The following PLPPR3 variants were observed in gnomAD, a reference collection of about 807,000 sequenced individuals.
PLPPR3 encodes the protein phospholipid phosphatase related 3.
A neutral mutation model predicts 27.3 loss-of-function variants in PLPPR3; 14 were observed. The ratio of observed to expected loss-of-function variants is 0.51; its 90% CI spans 0.34 to 0.80. The LOEUF (loss-of-function observed/expected upper bound fraction) is 0.80. PLPPR3 is among the 30% of genes least tolerant of loss of function. PLPPR3 has a pLI of 0.01. For missense variants in PLPPR3, 1,287 were observed against 1,056.9 expected (o/e 1.22, Z -3.02); for synonymous variants, 671 against 508.0 (o/e 1.32, Z -4.32).
At chr19:818,104 C>T (rs1024992564) in intron 2 of PLPPR3, among the ~76,000 whole-genome samples, 7 of 152,050 alleles carry the variant, frequency 4.6e-5, no homozygotes, top group African/African-American at 1.2e-4. Context: ...AACCATGGGC[C>T]GGGTGCGGTG....
rs2034998088 is a variant in PLPPR3, at chr19:813,821, C to A, written c.906G>T (p.Ala302=). 2 of 1,501,186 alleles carry A rather than the reference C, an allele frequency of 1.3e-6. No homozygotes were observed. The highest frequency in any genetic ancestry group is 8.8e-7 in the Non-Finnish European group (1 of 1,132,454). 93.0% of individuals were successfully genotyped at this position (1,501,186 alleles called of 1,614,324 possible). The change falls in exon 8 of 8, where the codon GCG becomes GCT. Residue 302 remains alanine, a synonymous_variant. Coordinates refer to ENST00000520876, the MANE Select transcript of PLPPR3 (RefSeq NM_001270366.2). This position sits in a 1 kb window ranked among gnomAD's most constrained non-coding sequence, Gnocchi z 4.1. ...KPAAPAPAKD[A]LRALTQRGHD... is the part of the protein sequence containing the mutation. ...GGCCCCGCTGCGTCAGGGCCCGCAGCGCGTCCTTGGCGGGGGCCGGGGCCG... is the reference window on the plus strand; with the variant it reads ...GGCCCCGCTGCGTCAGGGCCCGCAGAGCGTCCTTGGCGGGGGCCGGGGCCG...
Position 813,029 on chromosome 19 carries a change from G to T in PLPPR3, c.1698C>A (p.Ser566=). 6.6e-7 allele frequency: 1 copy of T among 1,519,782 alleles called. No individual in the cohort carries two copies. The allele number at this position is 1,519,782 out of a possible 1,614,324, so 94.1% of individuals were successfully genotyped here. The change falls in exon 8 of 8, where the codon TCC becomes TCA. Residue 566 remains serine (S), a synonymous_variant. Transcript: ENST00000520876. The surrounding 1 kb of genome is among the most constrained non-coding windows in gnomAD (Gnocchi z 4.1). ...TASSSSASSD[S]SQYRSPSDRD... is the part of the protein sequence containing the mutation. ...GGTCCGACGGCGACCGGTACTGCGA[G>T]GAGTCGGAGCTGGCGCTGGACGACG...
rs2035026256 is a variant in PLPPR3, at chr19:814,966, C to T, written c.519G>A (p.Leu173=). The change falls in exon 5 of 8, where the codon CTG becomes CTA. Residue 173 remains leucine (L), a synonymous_variant. Transcript: ENST00000520876. ...LTVCKPNYTL[L]GTSCEVNPYI... is the part of the protein sequence containing the mutation. ...AGGGGTTGACCTCGCAGGACGTGCC[C>T]AGGAGAGTGTAGTTGGGCTTGCAGA... 1 of 1,612,578 alleles carries T rather than the reference C, an allele frequency of 6.2e-7. No individual in the cohort carries two copies. Among genetic ancestry groups the T allele is most frequent in the South Asian group, 1.1e-5 (1 of 91,078 alleles).
chr19:822,620 G>A (rs1205905734), upstream of PLPPR3, among the ~76,000 whole-genome samples: 1 of 152,152 alleles, frequency 6.6e-6, no homozygotes, highest in Admixed American at 6.5e-5. Flanking sequence ...GCGCGGGGCT[G>A]GGGGCTGGGG....
chr19:815,158 C>G (rs368602434), intron 4 of PLPPR3, 28 bp downstream of exon 4: 10 of 1,601,972 alleles, frequency 6.2e-6, no homozygotes, highest in Non-Finnish European at 7.6e-6. Context: ...GGAGGTAGCT[C>G]AGGGTCGGGG....
At position 812,625 on chromosome 19, in the gene PLPPR3, T is replaced by G. The variant is rs764307296; in HGVS notation, c.2102A>C (p.Glu701Ala). Residue 701 changes from glutamate to alanine, a missense_variant, in exon 8 of 8, where the codon GAG (glutamate) becomes GCG (alanine). By Grantham distance (107) the Glu-to-Ala change is moderately radical. Coordinates refer to ENST00000520876, the MANE Select transcript of PLPPR3 (RefSeq NM_001270366.2). ...GCGGAAGTAGCCCTCGGCCTCCGCC[T>G]CCGCCTCGCGCTCCGCCAGCCCCAG... ...GGLGLAEREA[E>A]AEAEGYFRKM... 30 of 1,101,216 alleles carry G rather than the reference T, an allele frequency of 2.7e-5. No individual in the cohort carries two copies. In the South Asian group the frequency reaches 5.8e-4, roughly 21 times the overall value. 68.2% of individuals were successfully genotyped at this position (1,101,216 alleles called of 1,614,324 possible).
Position 815,650 on chromosome 19 carries a change from C to T in PLPPR3, c.261+16G>A, listed in dbSNP as rs377061824. The T allele has an allele frequency of 1.9e-4, 292 of 1,561,884 alleles. No homozygotes were observed. In the African/African-American group the frequency reaches 3.1e-3, roughly 17 times the overall value. ...GGTGCCCACAGGCTGGCACAGGCCC[C>T]GGTGCAGGTGCTCACCGAGGCGGCA... On this transcript the variant is annotated intron_variant, in intron 3 of 7. Coordinates refer to ENST00000520876, the MANE Select transcript of PLPPR3 (RefSeq NM_001270366.2).
At chr19:820,097 C>A (rs1272212642) in intron 2 of PLPPR3, among the ~76,000 whole-genome samples, 1 of 152,150 alleles carries the variant, frequency 6.6e-6, no homozygotes, top group Non-Finnish European at 1.5e-5. Flanking sequence ...ATCCATCTAC[C>A]TGGGCCTCCC....
Position 814,890 on chromosome 19 carries a change from C to T in PLPPR3, c.595G>A (p.Ala199Thr). The T allele has an allele frequency of 1.2e-6, 2 of 1,609,486 alleles. No homozygotes were observed. The highest frequency in any genetic ancestry group is 1.7e-6 in the Non-Finnish European group (2 of 1,179,698). The part of the protein sequence containing the change: ...SGHDIHAILS[A>T]RKTFPSQHAT... ...GGAGTTGGGGGTCCGGCTCACCGTG[C>T]AGACAGGATGGCGTGGATGTCGTGG... is the stretch of plus-strand genomic sequence containing the variant. The change falls in exon 5 of 8, where the codon GCA becomes ACA. Residue 199 changes from alanine to threonine, a missense_variant. Coordinates refer to ENST00000520876, the MANE Select transcript of PLPPR3 (RefSeq NM_001270366.2).
Position 815,096 on chromosome 19 carries a change from G to C in PLPPR3, c.404-15C>G. ...CACGTGGACACCTGCAGGGCGGAAG[G>C]CTCGGCCAGGCGGGGAGCTGGGGAC... On this transcript the variant is annotated splice_polypyrimidine_tract_variant and intron_variant, in intron 4 of 7. Coordinates refer to ENST00000520876, the MANE Select transcript of PLPPR3 (RefSeq NM_001270366.2). The C allele has an allele frequency of 8.1e-6, 13 of 1,601,940 alleles. No individual in the cohort carries two copies. Among genetic ancestry groups the C allele is most frequent in the Non-Finnish European group, 1.0e-5 (12 of 1,179,436 alleles).
At chr19:821,855 A>C in intron 1 of PLPPR3, 60 bp downstream of exon 1, 15 of 264,156 alleles carry the variant, frequency 5.7e-5, no homozygotes, top group East Asian at 1.4e-4. Flanking sequence ...ATCCGGGAGA[A>C]CTGGGGTTCC....
At position 812,599 on chromosome 19, in the gene PLPPR3, T is replaced by C; in HGVS notation, c.2128A>G (p.Lys710Glu). The C allele has an allele frequency of 9.0e-7, 1 of 1,110,134 alleles. No homozygotes were observed. The highest frequency in any genetic ancestry group is 1.1e-6 in the Non-Finnish European group (1 of 900,398). 68.8% of individuals were successfully genotyped at this position (1,110,134 alleles called of 1,614,324 possible). ...TCGGGGAAGCGGCGCGCCTGCATCT[T>C]GCGGAAGTAGCCCTCGGCCTCCGCC... Reference protein sequence around the residue: ...AEAEAEGYFRKMQARRFPD With the variant: ...AEAEAEGYFREMQARRFPD Residue 710 changes from lysine to glutamate, a missense_variant, in exon 8 of 8, where the codon AAG becomes GAG. Coordinates refer to ENST00000520876, the MANE Select transcript of PLPPR3 (RefSeq NM_001270366.2).
intron 2 of PLPPR3, among the ~76,000 whole-genome samples, chr19:818,422 C>T (rs1026733699): frequency 2.6e-5 from 4 of 151,802 alleles, no homozygotes; most frequent in Non-Finnish European, 4.4e-5. Flanking sequence ...ATAATAAGGC[C>T]GACCGCAGTG....
chr19:814,479 G>A lies in PLPPR3; in HGVS notation c.786C>T (p.Asp262=), dbSNP rs761831519. Residue 262 remains aspartate, a synonymous_variant, in exon 7 of 8, where the codon GAC becomes GAT. Coordinates refer to ENST00000520876, the MANE Select transcript of PLPPR3 (RefSeq NM_001270366.2). ...CCCCGATGAGGAAGCCGGCATACAC[G>A]TCCACAGGGTGGCTGCGGTACTGCG... ...QITQYRSHPV[D]VYAGFLIGAG... is the part of the protein sequence containing the mutation. The A allele has an allele frequency of 4.0e-5, 64 of 1,609,394 alleles. No homozygotes were observed. The highest frequency in any genetic ancestry group is 3.8e-4 in the South Asian group (35 of 91,058).
chr19:818,338 G>A (rs2145078597), intron 2 of PLPPR3, among the ~76,000 whole-genome samples: 1 of 152,062 alleles, frequency 6.6e-6, no homozygotes, highest in East Asian at 1.9e-4. Context: ...AGCTGACATT[G>A]TTCCACTGCA....
At chr19:815,401 G>A (rs937653547) in intron 3 of PLPPR3, 74 bp from the exon 4 acceptor site, 4 of 1,438,678 alleles carry the variant, frequency 2.8e-6, no homozygotes, top group Non-Finnish European at 3.6e-6. Flanking sequence ...CCCATCTGCA[G>A]TGCCCACAGG....
rs748356279 is a variant in PLPPR3, at chr19:814,557, G to A, written c.708C>T (p.Ile236=). Residue 236 remains isoleucine, a synonymous_variant, in exon 7 of 8, where the codon ATC becomes ATT. Coordinates refer to ENST00000520876, the MANE Select transcript of PLPPR3 (RefSeq NM_001270366.2). Reference sequence around the variant, plus strand: ...CGGCGATGGCAAAGGCGAAGACCAGGATGGGCTTCAGCAGCTTGGTGGTGT... The same window carrying A: ...CGGCGATGGCAAAGGCGAAGACCAGAATGGGCTTCAGCAGCTTGGTGGTGT... ...ISDTTKLLKP[I]LVFAFAIAAG... 1.2e-6 allele frequency: 2 copies of A among 1,612,284 alleles called. No homozygotes were observed. Among genetic ancestry groups the A allele is most frequent in the Admixed American group, 1.7e-5 (1 of 60,022 alleles).
chr19:812,575 C>G lies in PLPPR3; in HGVS notation c.2152G>C (p.Asp718His), dbSNP rs1411754555. 12 of 747,472 alleles carry G rather than the reference C, an allele frequency of 1.6e-5. No individual in the cohort carries two copies. The highest frequency in any genetic ancestry group is 6.5e-4 in the Middle Eastern group (1 of 1,548). 46.3% of individuals were successfully genotyped at this position (747,472 alleles called of 1,614,324 possible). A position where few individuals can be genotyped will look rare whatever the true frequency, so the allele number is the denominator to read the frequency against. Residue 718 changes from aspartate (D) to histidine (H), a missense_variant, in exon 8 of 8, where the codon GAC becomes CAC. Asp to His is a moderately conservative substitution (Grantham distance 81). Coordinates refer to ENST00000520876, the MANE Select transcript of PLPPR3 (RefSeq NM_001270366.2). ...FRKMQARRFP[D>H] ...CCGCCCCCGGCCCCGCCGCGCTAGT[C>G]GGGGAAGCGGCGCGCCTGCATCTTG... is the stretch of plus-strand genomic sequence containing the variant.
chr19:821,473 A>AC lies in PLPPR3; in HGVS notation c.75+11dup. 7.3e-7 allele frequency: 1 copy of AC among 1,375,776 alleles called. No homozygotes were observed. The highest frequency in any genetic ancestry group is 9.6e-7 in the Non-Finnish European group (1 of 1,040,314). 85.2% of individuals were successfully genotyped at this position (1,375,776 alleles called of 1,614,324 possible). The stretch of plus-strand genomic sequence containing the variant: ...GGCGTCTCCCCCGGGCCCCAGCGCG[A>AC]CCCCCACCCACCTCCACGAAGTAGA... On this transcript the variant is annotated intron_variant, in intron 2 of 7. Coordinates refer to ENST00000520876, the MANE Select transcript of PLPPR3 (RefSeq NM_001270366.2).
Sources: allele counts gnomAD v4.1 joint callset (sites outside exome capture counted in the v4.1 genomes callset), GRCh38; gene constraint gnomAD v4.1.1; non-coding constraint Gnocchi (gnomAD v3.1); transcripts MANE v1.5; gene names NCBI Gene and HGNC (gene_info 2026-07-23, HGNC 2026-07-21).